The following AAK1 variants were observed in gnomAD, a reference collection of about 807,000 sequenced individuals.
AAK1 encodes the protein AP2-associated protein kinase 1.
Under a neutral mutation model 116.0 loss-of-function variants are expected in AAK1, and 37 were observed. The observed-to-expected ratio is 0.32, with a 90% CI of 0.25 to 0.42. The LOEUF is 0.42. Among genes scored for constraint, AAK1 ranks in the 10% least tolerant of loss-of-function variants. AAK1 has a pLI of 1.00. For synonymous variants in AAK1, 458 were observed against 439.9 expected, an observed-to-expected ratio of 1.04 and a Z score of -0.51; for missense variants, 919 against 1,170.6, an observed-to-expected ratio of 0.79 and a Z score of 3.14.
At chr2:69,537,868 A>G (rs1670541694) in intron 5 of AAK1, among the ~76,000 whole-genome samples, 1 of 152,232 alleles carries the variant, frequency 6.6e-6, no homozygotes, top group South Asian at 2.1e-4. Context: ...AACAGCGACC[A>G]GGACTTCTCT....
At chr2:69,512,904 C>T (rs1210736713) in intron 13 of AAK1, among the ~76,000 whole-genome samples, 1 of 152,196 alleles carries the variant, frequency 6.6e-6, no homozygotes. Context: ...TATAATTAAA[C>T]TTAAACACAG....
chr2:69,466,401 C>T lies in AAK1; in HGVS notation c.*9468G>A. The T allele has an allele frequency of 1.6e-6, 2 of 1,289,860 alleles. No homozygotes were observed. Among genetic ancestry groups the T allele is most frequent in the Non-Finnish European group, 2.0e-6 (2 of 988,880 alleles). 79.9% of individuals were successfully genotyped at this position (1,289,860 alleles called of 1,614,324 possible). A position where few individuals can be genotyped will look rare whatever the true frequency, so the allele number is the denominator to read the frequency against. ...TGAGCTGTTGCTTGAAGGGCCATCTCTGGCCAAGTAGTCAGATTCTAAGTT... is the reference window on the plus strand; with the variant it reads ...TGAGCTGTTGCTTGAAGGGCCATCTTTGGCCAAGTAGTCAGATTCTAAGTT... On this transcript the variant is annotated 3_prime_UTR_variant, in exon 22 of 22. Transcript: ENST00000409085.
At position 69,469,605 on chromosome 2, in the gene AAK1, G is replaced by C. The variant is rs1674608692; in HGVS notation, c.*6264C>G. The C allele has an allele frequency of 6.5e-5, 64 of 985,428 alleles. No homozygotes were observed. The highest frequency in any genetic ancestry group is 7.7e-5 in the Non-Finnish European group (64 of 829,944). 61.0% of individuals were successfully genotyped at this position (985,428 alleles called of 1,614,324 possible). A position where few individuals can be genotyped will look rare whatever the true frequency, so the allele number is the denominator to read the frequency against. ...TCATAGCAGATACCCTGTGGCCATA[G>C]AGCTCAGTAAACACTGCCTGTTGTA... On this transcript the variant is annotated 3_prime_UTR_variant, in exon 22 of 22. Coordinates refer to ENST00000409085, the MANE Select transcript of AAK1 (RefSeq NM_014911.5).
At chr2:69,537,183 C>G (rs1000825643) in intron 5 of AAK1, among the ~76,000 whole-genome samples, 1 of 152,308 alleles carries the variant, frequency 6.6e-6, no homozygotes, top group African/African-American at 2.4e-5. Context: ...ACACCATGAT[C>G]TGCAATACTG....
At chr2:69,629,804 A>G (rs1423262590) in intron 2 of AAK1, among the ~76,000 whole-genome samples, 1 of 152,230 alleles carries the variant, frequency 6.6e-6, no homozygotes, top group Non-Finnish European at 1.5e-5. Flanking sequence ...GCCTAAGGCA[A>G]TAACTAATTA....
chr2:69,545,691 G>A (rs558696163), intron 3 of AAK1, among the ~76,000 whole-genome samples: 2 of 152,288 alleles, frequency 1.3e-5, no homozygotes, highest in African/African-American at 4.8e-5. Flanking sequence ...TCTGAGTGAT[G>A]GATTGTGAAT....
Position 69,468,108 on chromosome 2 carries a change from TAAG to T in AAK1, c.*7758_*7760del. On this transcript the variant is annotated 3_prime_UTR_variant, in exon 22 of 22. Coordinates refer to ENST00000409085, the MANE Select transcript of AAK1 (RefSeq NM_014911.5). ...GGCTTTCAGAATAGTATTTGAAGAATAAGATTTTGAAAAGAATAAATTTTTCCT... is the reference window on the plus strand; with the variant it reads ...GGCTTTCAGAATAGTATTTGAAGAATATTTTGAAAAGAATAAATTTTTCCT... The T allele has an allele frequency of 1.0e-6, 1 of 985,332 alleles. No homozygotes were observed. Among genetic ancestry groups the T allele is most frequent in the Non-Finnish European group, 1.2e-6 (1 of 829,824 alleles). The allele number at this position is 985,332 out of a possible 1,614,324, so 61.0% of individuals were successfully genotyped here. A position where few individuals can be genotyped will look rare whatever the true frequency, so the allele number is the denominator to read the frequency against.
rs545755976 is a variant in AAK1 at position 69,554,727 on chromosome 2, G to A, written c.282+2133C>T. Among the ~76,000 whole-genome samples, 4 of 152,334 alleles carry A rather than the reference G, an allele frequency of 2.6e-5. No individual in the cohort carries two copies. In the East Asian group the frequency reaches 5.8e-4, roughly 22 times the overall value. On this transcript the variant is annotated intron_variant, in intron 3 of 21. Transcript: ENST00000409085. Reference sequence around the variant, plus strand: ...AAAAGAATCACCTAAAGAGGTTGCCGCTGGGACCTTGTAATGGCATAGGAG... The same window carrying A: ...AAAAGAATCACCTAAAGAGGTTGCCACTGGGACCTTGTAATGGCATAGGAG...
At chr2:69,615,239 G>C (rs146634859) in intron 2 of AAK1, among the ~76,000 whole-genome samples, 1 of 152,108 alleles carries the variant, frequency 6.6e-6, no homozygotes, top group Non-Finnish European at 1.5e-5. Context: ...GCCACTTCTC[G>C]GGACTTCGCA....
chr2:69,613,315 T>C lies in AAK1; in HGVS notation c.163+29563A>G, dbSNP rs147256256. Among the ~76,000 whole-genome samples, 8 of 152,300 alleles carry C rather than the reference T, an allele frequency of 5.3e-5. No individual in the cohort carries two copies. The East Asian group carries it at 1.5e-3, about 29-fold the overall frequency. Reference sequence around the variant, plus strand: ...GAGCACCTAAAACCCTTGTAGTAATTTCCTGAGTGGTAGGGGTGATAGGAG... The same window carrying C: ...GAGCACCTAAAACCCTTGTAGTAATCTCCTGAGTGGTAGGGGTGATAGGAG... On this transcript the variant is annotated intron_variant, in intron 2 of 21. Coordinates refer to ENST00000409085, the MANE Select transcript of AAK1 (RefSeq NM_014911.5).
chr2:69,550,773 G>A (rs893272264), intron 3 of AAK1, among the ~76,000 whole-genome samples: 4 of 151,894 alleles, frequency 2.6e-5, no homozygotes, highest in Non-Finnish European at 5.9e-5. Flanking sequence ...ACACAATCAC[G>A]CCCGGCTAAT....
At position 69,480,850 on chromosome 2, in the gene AAK1, C is replaced by T. The variant is rs774037178; in HGVS notation, c.2569+10G>A. On this transcript the variant is annotated intron_variant, in intron 19 of 21. Transcript: ENST00000409085. ...ACCAGTCCCTGCAGCTGCAGAGACA[C>T]CTGACTGACCTGTGCGATTCGAGGT... The T allele has an allele frequency of 3.8e-6, 6 of 1,581,636 alleles. No homozygotes were observed. Among genetic ancestry groups the T allele is most frequent in the African/African-American group, 1.3e-5 (1 of 74,232 alleles).
chr2:69,500,592 A>G (rs1675927426), intron 16 of AAK1, among the ~76,000 whole-genome samples: 1 of 150,054 alleles, frequency 6.7e-6, no homozygotes, highest in South Asian at 2.1e-4. Context: ...AGTGCTTGAT[A>G]CATGTTCAAT....
At chr2:69,561,929 G>A (rs1372842086) in intron 2 of AAK1, among the ~76,000 whole-genome samples, 1 of 151,974 alleles carries the variant, frequency 6.6e-6, no homozygotes, top group African/African-American at 2.4e-5. Flanking sequence ...TGTTTTTTTG[G>A]TCAACTAGTA....
chr2:69,576,588 A>G (rs1672326336), intron 2 of AAK1, among the ~76,000 whole-genome samples: 1 of 152,198 alleles, frequency 6.6e-6, no homozygotes, highest in Non-Finnish European at 1.5e-5. Context: ...AAGTGAGAAC[A>G]TGCAGTATTT....
In AAK1 at chr2:69,465,658, T is replaced by G. The variant is rs983362975; in HGVS notation, c.*10211A>C. ...GATAAGGACTGGGGGCGGAATGGTT[T>G]GCCAGCCATGGGGCCTGAGACAGCT... On this transcript the variant is annotated 3_prime_UTR_variant, in exon 22 of 22. Transcript: ENST00000409085. 7.7e-7 allele frequency: 1 copy of G among 1,290,850 alleles called. No homozygotes were observed. Among genetic ancestry groups the G allele is most frequent in the Non-Finnish European group, 1.0e-6 (1 of 988,888 alleles). 80.0% of individuals were successfully genotyped at this position (1,290,850 alleles called of 1,614,324 possible). A position where few individuals can be genotyped will look rare whatever the true frequency, so the allele number is the denominator to read the frequency against.
intron 2 of AAK1, chr2:69,598,979 A>G (rs1265877519): frequency 2.4e-6 from 1 of 418,652 alleles, no homozygotes; most frequent in Non-Finnish European, 4.8e-6. Flanking sequence ...AAAAGCCTAG[A>G]GAAGGACATG....
At chr2:69,598,442 G>A (rs979138333) in intron 2 of AAK1, 7 of 250,204 alleles carry the variant, frequency 2.8e-5, no homozygotes, top group Middle Eastern at 4.5e-4. Flanking sequence ...GTTTGAAGAC[G>A]TTTATGTTGG....
At chr2:69,498,649 G>A (rs569262224) in intron 16 of AAK1, among the ~76,000 whole-genome samples, 5 of 152,298 alleles carry the variant, frequency 3.3e-5, no homozygotes, top group East Asian at 3.9e-4. Flanking sequence ...CTCAGGGCAC[G>A]CAAGATATAG....
Sources: allele counts gnomAD v4.1 joint callset (sites outside exome capture counted in the v4.1 genomes callset), GRCh38; gene constraint gnomAD v4.1.1; transcripts MANE v1.5; gene names NCBI Gene and HGNC (gene_info 2026-07-23, HGNC 2026-07-21).